The following TNKS1BP1 variants were observed in gnomAD, a reference collection of about 807,000 sequenced individuals.
TNKS1BP1 encodes the protein 182 kDa tankyrase-1-binding protein.
Under a neutral mutation model 141.1 loss-of-function variants are expected in TNKS1BP1, and 48 were observed. The observed-to-expected ratio is 0.34, with a 90% CI of 0.27 to 0.43. TNKS1BP1 has a LOEUF of 0.43. Among genes scored for constraint, TNKS1BP1 ranks in the 20% least tolerant of loss-of-function variants. The probability of loss-of-function intolerance (pLI) is 1.00; values close to 1 mark genes in which losing one functional copy is unlikely to be tolerated. For synonymous variants in TNKS1BP1, 875 were observed against 898.2 expected (o/e 0.97, Z 0.46); for missense variants, 2,149 against 2,226.0 (o/e 0.97, Z 0.70).
At chr11:57,322,318 AGTCT>A (rs1182871075) in intron 1 of TNKS1BP1, 4 of 992,812 alleles carry the variant, frequency 4.0e-6, no homozygotes, top group African/African-American at 3.5e-5. Context: ...CAAAGTATGA[AGTCT>A]GTCTGTGAAT....
At chr11:57,315,751 C>A (rs1347476474) in intron 4 of TNKS1BP1, among the ~76,000 whole-genome samples, 1 of 151,854 alleles carries the variant, frequency 6.6e-6, no homozygotes, top group African/African-American at 2.4e-5. Flanking sequence ...CGACAACCCC[C>A]CCACCGCCAC....
Position 57,313,684 on chromosome 11 carries a change from G to GTT in TNKS1BP1, c.1003_1004insAA (p.Thr335LysfsTer58). 1 of 1,573,418 alleles carries GTT rather than the reference G, an allele frequency of 6.4e-7. No individual in the cohort carries two copies. The highest frequency in any genetic ancestry group is 8.6e-7 in the Non-Finnish European group (1 of 1,158,930). ...CAGGGCTGCACTTGGAGCTGATGGA[G>GTT]TCACAGCGGGGCAGGGAGAAGCCTG... On this transcript the variant is annotated frameshift_variant, in exon 5 of 12. Transcript: ENST00000358252. LOFTEE classifies it high-confidence loss of function.
In TNKS1BP1 at chr11:57,309,129, C is replaced by G. The variant is rs754408806; in HGVS notation, c.3582G>C (p.Trp1194Cys). The G allele has an allele frequency of 2.5e-6, 4 of 1,614,090 alleles. No homozygotes were observed. The East Asian group carries it at 6.7e-5, about 27-fold the overall frequency. The change falls in exon 6 of 12, where the codon TGG becomes TGC. Residue 1194 changes from tryptophan to cysteine, a missense_variant. By Grantham distance (215) the Trp-to-Cys change is radical. Coordinates refer to ENST00000358252, the MANE Select transcript of TNKS1BP1 (RefSeq NM_033396.3). The surrounding 1 kb of genome is among the most constrained non-coding windows in gnomAD (Gnocchi z 4.3). ...TGTCTCTCAAGCTCAGGCCACCTGA[C>G]CAGCCCATCTGTCCCACGGCACTCT... ...ARESAVGQMG[W>C]SGGLSLRDMN...
At chr11:57,315,035 T>C (rs765225922) in intron 4 of TNKS1BP1, among the ~76,000 whole-genome samples, 1 of 152,168 alleles carries the variant, frequency 6.6e-6, no homozygotes, top group Non-Finnish European at 1.5e-5. Context: ...GCTGCATCAC[T>C]GCAACCCTCT....
rs768540383 is a variant in TNKS1BP1, at chr11:57,302,734, G to A, written c.4408C>T (p.Arg1470Trp). 9.8e-5 allele frequency: 156 copies of A among 1,591,220 alleles called. 1 individual carries two copies. The highest frequency in any genetic ancestry group is 1.2e-4 in the Non-Finnish European group (137 of 1,173,222). Residue 1470 changes from arginine (R) to tryptophan (W), a missense_variant, in exon 7 of 12, where the codon CGG (arginine) becomes TGG (tryptophan). Arg to Trp is a moderately radical substitution (Grantham distance 101, BLOSUM62 -3). Transcript: ENST00000358252. The surrounding 1 kb of genome is among the most constrained non-coding windows in gnomAD (Gnocchi z 5.5). ...LAASSSKAVA[R>W]RESAASGLGG... ...AGGCCCGAGGCCGCTGACTCCCTCC[G>A]AGCCACCGCCTTGGAGCTGCTGGCT...
At chr11:57,320,014 C>CCCCCCCCAAACCCCCCCCCCAGA in intron 3 of TNKS1BP1, 65 bp downstream of exon 3, 1 of 1,202,560 alleles carries the variant, frequency 8.3e-7, no homozygotes. Context: ...GTCCCCAGCC[C>CCCCCCCCAAACCCCCCCCCCAGA]CCACCCAATC....
At chr11:57,321,096 C>G (rs777143841) in intron 2 of TNKS1BP1, among the ~76,000 whole-genome samples, 2 of 152,260 alleles carry the variant, frequency 1.3e-5, no homozygotes, top group African/African-American at 2.4e-5. Flanking sequence ...AGTCAGCCCC[C>G]CCATATTCCC....
At chr11:57,315,185 T>C (rs1202901104) in intron 4 of TNKS1BP1, among the ~76,000 whole-genome samples, 2 of 152,070 alleles carry the variant, frequency 1.3e-5, no homozygotes, top group African/African-American at 4.8e-5. Context: ...TCCTTACCAG[T>C]GGCTGCAACC....
intron 10 of TNKS1BP1, 112 bp from the exon 11 acceptor site, chr11:57,300,712 C>T (rs994376258): frequency 2.6e-6 from 4 of 1,523,844 alleles, no homozygotes; most frequent in Non-Finnish European, 3.6e-6. Context: ...CAGTCTGGGG[C>T]CTGGCTGCAG....
Position 57,324,908 on chromosome 11 carries a change from G to C in TNKS1BP1, c.-134C>G. ...GCCAGTCCCCGCCGCCGCCGCCGCT[G>C]CTACCGCCGCCGCCGCCGCCGTCAC... On this transcript the variant is annotated 5_prime_UTR_variant, in exon 1 of 12. Transcript: ENST00000358252. The C allele has an allele frequency of 1.0e-6, 1 of 983,686 alleles. No homozygotes were observed. The highest frequency in any genetic ancestry group is 1.2e-6 in the Non-Finnish European group (1 of 828,026). The allele number at this position is 983,686 out of a possible 1,614,324, so 60.9% of individuals were successfully genotyped here.
At chr11:57,314,110 C>T (rs548698236) in intron 4 of TNKS1BP1, among the ~76,000 whole-genome samples, 1 of 152,328 alleles carries the variant, frequency 6.6e-6, no homozygotes, top group East Asian at 1.9e-4. Context: ...CCAGAATGCG[C>T]CTATCCTTAT....
intron 5 of TNKS1BP1, chr11:57,311,279 G>C: frequency 1.0e-6 from 1 of 986,026 alleles, no homozygotes. Flanking sequence ...CTTCGGAGCC[G>C]GCCAGCCTCA....
chr11:57,316,126 T>C (rs1013256275), intron 4 of TNKS1BP1, among the ~76,000 whole-genome samples: 9 of 152,168 alleles, frequency 5.9e-5, no homozygotes, highest in Non-Finnish European at 1.2e-4. Flanking sequence ...CTAACTACTC[T>C]CGTCAAGGTC....
In TNKS1BP1 at chr11:57,302,014, A is replaced by G. The variant is rs1042643345; in HGVS notation, c.4834+60T>C. 4 of 1,604,654 alleles carry G rather than the reference A, an allele frequency of 2.5e-6. No homozygotes were observed. The African/African-American group carries it at 4.0e-5, about 16-fold the overall frequency. On this transcript the variant is annotated intron_variant, in intron 8 of 11. Coordinates refer to ENST00000358252, the MANE Select transcript of TNKS1BP1 (RefSeq NM_033396.3). The surrounding 1 kb of genome is among the most constrained non-coding windows in gnomAD (Gnocchi z 5.5). ...ACTCCCCGAACCCATAACCCCTGCA[A>G]AAGCTTGGCCTAATGCCCTAGAGAT... is the stretch of plus-strand genomic sequence containing the variant.
At position 57,309,398 on chromosome 11, in the gene TNKS1BP1, C is replaced by G; in HGVS notation, c.3313G>C (p.Gly1105Arg). The G allele has an allele frequency of 1.2e-6, 2 of 1,614,178 alleles. No individual in the cohort carries two copies. The highest frequency in any genetic ancestry group is 1.1e-5 in the South Asian group (1 of 91,078). The change falls in exon 6 of 12, where the codon GGG (glycine) becomes CGG (arginine). Residue 1105 changes from glycine to arginine, a missense_variant. Coordinates refer to ENST00000358252, the MANE Select transcript of TNKS1BP1 (RefSeq NM_033396.3). The surrounding 1 kb of genome is among the most constrained non-coding windows in gnomAD (Gnocchi z 4.3). ...AAGTCCCGGCTCCAGTCCTGCTGCC[C>G]TGGGCTAAATGCTGCCTCTCGCTGG... ...GPQREAAFSP[G>R]QQDWSRDFCI...
At chr11:57,319,936 G>A in intron 3 of TNKS1BP1, 143 bp downstream of exon 3, 1 of 981,136 alleles carries the variant, frequency 1.0e-6, no homozygotes, top group East Asian at 2.5e-5. Context: ...ATCGGGATCT[G>A]CCTGTACTCA....
rs774373815 is a variant in TNKS1BP1 at position 57,320,514 on chromosome 11, G to A, written c.293C>T (p.Pro98Leu). ...QPYGGSKRPL[P>L]FAPRPAVEAS... ...CTCAACCGCAGGCCTTGGTGCAAAG[G>A]GAAGGGGGCGCTTGCTGCCACCATA... Residue 98 changes from proline (P) to leucine (L), a missense_variant, in exon 3 of 12, where the codon CCC (proline) becomes CTC (leucine). Physicochemically the swap from Pro to Leu is moderately conservative, Grantham distance 98. Coordinates refer to ENST00000358252, the MANE Select transcript of TNKS1BP1 (RefSeq NM_033396.3). 6.2e-7 allele frequency: 1 copy of A among 1,612,962 alleles called. No homozygotes were observed. The highest frequency in any genetic ancestry group is 2.2e-5 in the East Asian group (1 of 44,862).
At position 57,299,829 on chromosome 11, in the gene TNKS1BP1, G is replaced by A. The variant is rs944179729; in HGVS notation, c.*265C>T. 6.5e-6 allele frequency: 1 copy of A among 154,946 alleles called. No individual in the cohort carries two copies. The highest frequency in any genetic ancestry group is 1.5e-5 in the Non-Finnish European group (1 of 68,270). 9.6% of individuals were successfully genotyped at this position (154,946 alleles called of 1,614,324 possible). ...GAAAACCCAAGGGAGGCTGGAGGAG[G>A]AAGCAGAGAGGGAGAGGGAAGGAGG... On this transcript the variant is annotated 3_prime_UTR_variant, in exon 12 of 12. Coordinates refer to ENST00000358252, the MANE Select transcript of TNKS1BP1 (RefSeq NM_033396.3).
In TNKS1BP1 at chr11:57,320,414, T is replaced by C; in HGVS notation, c.393A>G (p.Thr131=). ...EAGKEEPPPL[T]PPARCAAPGG... ...CTGGGGCTGCACATCGAGCTGGGGG[T>C]GTCAAAGGGGGTGGCTCCTCTTTCC... Residue 131 remains threonine (T), a synonymous_variant, in exon 3 of 12, where the codon ACA becomes ACG. Coordinates refer to ENST00000358252, the MANE Select transcript of TNKS1BP1 (RefSeq NM_033396.3). 6.2e-7 allele frequency: 1 copy of C among 1,609,482 alleles called. No individual in the cohort carries two copies.
Sources: allele counts gnomAD v4.1 joint callset (sites outside exome capture counted in the v4.1 genomes callset), GRCh38; gene constraint gnomAD v4.1.1; non-coding constraint Gnocchi (gnomAD v3.1); transcripts MANE v1.5; gene names NCBI Gene and HGNC (gene_info 2026-07-23, HGNC 2026-07-21).